Variants in CHD7 observed in about 807,000 individuals in gnomAD.
The protein encoded by CHD7 is chromodomain helicase DNA binding protein 7, also known as ATP-dependent chromatin remodeler CHD7.
CHD7 carries 24 observed loss-of-function variants against 307.3 expected under a neutral mutation model. That is an observed-to-expected ratio of 0.08 (90% confidence interval 0.06 to 0.11). CHD7 has a LOEUF of 0.11. CHD7 is among the 10% of genes least tolerant of loss of function. The pLI is 1.00. For missense variants in CHD7, 3,106 were observed against 3,727.1 expected (o/e 0.83, Z 4.34); for synonymous variants, 1,363 against 1,349.9 (o/e 1.01, Z -0.21).
At chr8:60,754,869 T>C (rs1361420548) in intron 2 of CHD7, among the ~76,000 whole-genome samples, 11 of 152,202 alleles carry the variant, frequency 7.2e-5, no homozygotes, top group African/African-American at 2.4e-4. Flanking sequence ...ATAATATATG[T>C]AGTTCTACAT....
intron 3 of CHD7, among the ~76,000 whole-genome samples, chr8:60,782,549 C>T (rs1811303890): frequency 6.6e-6 from 1 of 152,088 alleles, no homozygotes; most frequent in Non-Finnish European, 1.5e-5. Flanking sequence ...GAAATTTTGC[C>T]CTCAACACCT....
At chr8:60,790,502 C>A (rs1811723306) in intron 3 of CHD7, among the ~76,000 whole-genome samples, 1 of 152,170 alleles carries the variant, frequency 6.6e-6, no homozygotes, top group Non-Finnish European at 1.5e-5. Context: ...CCCGATTTTA[C>A]TGAGCTTTAT....
intron 1 of CHD7, among the ~76,000 whole-genome samples, chr8:60,701,566 A>G (rs1357635925): frequency 6.6e-6 from 1 of 152,358 alleles, no homozygotes; most frequent in African/African-American, 2.4e-5. Flanking sequence ...TTATTGTATC[A>G]TAGTTCTTTC....
rs1356908840 is a variant in CHD7 at position 60,852,071 on chromosome 8, T to C, written c.5718T>C (p.Thr1906=). The C allele has an allele frequency of 1.2e-6, 2 of 1,613,812 alleles. No individual in the cohort carries two copies. The highest frequency in any genetic ancestry group is 1.7e-5 in the Admixed American group (1 of 59,992). The change falls in exon 29 of 38, where the codon ACT becomes ACC. Residue 1906 remains threonine (T), a synonymous_variant. Coordinates refer to ENST00000423902, the MANE Select transcript of CHD7 (RefSeq NM_017780.4). The stretch of plus-strand genomic sequence containing the variant: ...TAGGCCAACTTTACTGGCCTAACAC[T>C]TCAACCCTGACTACACGTCTGCGCC... ...AELGQLYWPN[T]STLTTRLRRL... is the part of the protein sequence containing the mutation.
At chr8:60,683,568 A>G (rs540560319) in intron 1 of CHD7, among the ~76,000 whole-genome samples, 1 of 152,380 alleles carries the variant, frequency 6.6e-6, no homozygotes, top group South Asian at 2.1e-4. Flanking sequence ...TTATTAGAGA[A>G]TGATTGGATA....
intron 13 of CHD7, among the ~76,000 whole-genome samples, chr8:60,827,262 G>A (rs371129541): frequency 1.6e-4 from 23 of 146,576 alleles, no homozygotes; most frequent in Admixed American, 1.2e-3. Context: ...AAAAAAAAAA[G>A]AAAGGAGTTC....
At chr8:60,834,066 T>A (rs1270760643) in intron 15 of CHD7, among the ~76,000 whole-genome samples, 2 of 152,138 alleles carry the variant, frequency 1.3e-5, no homozygotes, top group African/African-American at 4.8e-5. Context: ...AAGAATGCAT[T>A]TTTTTTCTGA....
intron 1 of CHD7, among the ~76,000 whole-genome samples, chr8:60,735,993 C>T (rs1171645030): frequency 2.0e-5 from 3 of 152,122 alleles, no homozygotes; most frequent in Non-Finnish European, 4.4e-5. Context: ...TACACAGCAC[C>T]GTCATAGAGT....
At chr8:60,807,950 A>G (rs1466441885) in intron 6 of CHD7, among the ~76,000 whole-genome samples, 1 of 152,194 alleles carries the variant, frequency 6.6e-6, no homozygotes, top group Non-Finnish European at 1.5e-5. Flanking sequence ...GGTTGTTGTG[A>G]ATGAAGCTGC....
Position 60,743,034 on chromosome 8 carries a change from C to G in CHD7, c.1602C>G (p.His534Gln). 1 of 1,614,006 alleles carries G rather than the reference C, an allele frequency of 6.2e-7. No individual in the cohort carries two copies. Among genetic ancestry groups the G allele is most frequent in the Non-Finnish European group, 8.5e-7 (1 of 1,179,888 alleles). The change falls in exon 2 of 38, where the codon CAC becomes CAG. Residue 534 changes from histidine to glutamine, a missense_variant. By Grantham distance (24) the His-to-Gln change is conservative. Around this residue, in one of 10 missense-constraint regions of CHD7, gnomAD observed 998 missense variants for 1,004.5 expected, o/e 0.99. Coordinates refer to ENST00000423902, the MANE Select transcript of CHD7 (RefSeq NM_017780.4). Reference sequence around the variant, plus strand: ...AGTCTTCACCTCCACACCCTCATCACCAGCCTTGGGCACAGCTCCACCCAT... The same window carrying G: ...AGTCTTCACCTCCACACCCTCATCAGCAGCCTTGGGCACAGCTCCACCCAT... Reference protein sequence around the residue: ...HHQSSPPHPHHQPWAQLHPSP... With the variant: ...HHQSSPPHPHQQPWAQLHPSP...
chr8:60,814,482 G>A (rs139836067), intron 7 of CHD7, among the ~76,000 whole-genome samples: 76 of 152,316 alleles, frequency 5.0e-4, no homozygotes, highest in Middle Eastern at 3.4e-3. Flanking sequence ...GTCTCCCTCT[G>A]TCACCCAGGC....
At chr8:60,850,678 G>T (rs1038675279) in intron 26 of CHD7, 56 bp downstream of exon 26, 1 of 1,545,080 alleles carries the variant, frequency 6.5e-7, no homozygotes, top group African/African-American at 1.4e-5. Flanking sequence ...ACATCTATTG[G>T]CAGGGTTCAG....
At chr8:60,818,025 C>T (rs1803829960) in intron 8 of CHD7, among the ~76,000 whole-genome samples, 1 of 152,172 alleles carries the variant, frequency 6.6e-6, no homozygotes, top group Non-Finnish European at 1.5e-5. Flanking sequence ...GTTGAATGTA[C>T]ATTATTTACC....
At chr8:60,831,299 G>C (rs1053925193) in intron 15 of CHD7, among the ~76,000 whole-genome samples, 1 of 152,120 alleles carries the variant, frequency 6.6e-6, no homozygotes, top group African/African-American at 2.4e-5. Context: ...TCTTTAGAAG[G>C]AGATGGTCTT....
intron 1 of CHD7, among the ~76,000 whole-genome samples, chr8:60,720,133 A>AT (rs1302761740): frequency 2.0e-5 from 3 of 151,934 alleles, no homozygotes; most frequent in South Asian, 2.1e-4. Flanking sequence ...CAGAGCTCTG[A>AT]TTTTTTTCAG....
chr8:60,817,957 C>T (rs1803827655), intron 8 of CHD7, among the ~76,000 whole-genome samples: 1 of 152,172 alleles, frequency 6.6e-6, no homozygotes, highest in Non-Finnish European at 1.5e-5. Flanking sequence ...TGTATTCTCT[C>T]TCCTGTAGTC....
intron 1 of CHD7, among the ~76,000 whole-genome samples, chr8:60,712,127 G>C (rs1807308452): frequency 6.6e-6 from 1 of 152,228 alleles, no homozygotes; most frequent in Non-Finnish European, 1.5e-5. Context: ...ATTAACTGTA[G>C]CTTTTAAAGC....
intron 1 of CHD7, among the ~76,000 whole-genome samples, chr8:60,697,723 A>G (rs902794884): frequency 2.6e-5 from 4 of 152,216 alleles, no homozygotes; most frequent in Non-Finnish European, 4.4e-5. Flanking sequence ...GTATTTTTCA[A>G]TTTGGTGTAT....
At chr8:60,851,155 C>T in intron 27 of CHD7, 51 bp downstream of exon 27, 1 of 1,471,204 alleles carries the variant, frequency 6.8e-7, no homozygotes, top group South Asian at 1.2e-5. Flanking sequence ...ATATTATATG[C>T]CCACATAAGA....
Sources: allele counts gnomAD v4.1 joint callset (sites outside exome capture counted in the v4.1 genomes callset), GRCh38; gene constraint gnomAD v4.1.1; regional missense constraint gnomAD v4.1.1; transcripts MANE v1.5; gene names NCBI Gene and HGNC (gene_info 2026-07-23, HGNC 2026-07-21).